The following CNTNAP5 variants were observed in gnomAD, a reference collection of about 807,000 sequenced individuals.
CNTNAP5 encodes the protein contactin-associated protein-like 5.
In CNTNAP5, 72 loss-of-function variants were observed where a neutral mutation model predicts 150.2. The ratio of observed to expected loss-of-function variants is 0.48; its 90% CI spans 0.40 to 0.58. CNTNAP5 has a LOEUF of 0.58. CNTNAP5 is among the 20% of genes least tolerant of loss of function. CNTNAP5 has a pLI of 0.00. For missense variants in CNTNAP5, 1,636 were observed against 1,626.2 expected, an observed-to-expected ratio of 1.01 and a Z score of -0.10; for synonymous variants, 672 against 619.8, an observed-to-expected ratio of 1.08 and a Z score of -1.25.
intron 11 of CNTNAP5, among the ~76,000 whole-genome samples, chr2:124,569,418 A>C (rs1464448756): frequency 6.7e-6 from 1 of 149,978 alleles, no homozygotes; most frequent in Admixed American, 6.6e-5. Context: ...TTGCTTCCAC[A>C]ATCTTTTTTC....
intron 6 of CNTNAP5, among the ~76,000 whole-genome samples, chr2:124,457,888 G>T (rs867000306): frequency 2.6e-5 from 4 of 151,990 alleles, no homozygotes; most frequent in African/African-American, 9.7e-5. Context: ...TGCAAGAATG[G>T]CCATAATCAA....
At chr2:124,545,106 T>C (rs569680048) in intron 10 of CNTNAP5, among the ~76,000 whole-genome samples, 11 of 152,232 alleles carry the variant, frequency 7.2e-5, no homozygotes, top group Non-Finnish European at 1.6e-4. Context: ...AGTTCCTTTC[T>C]AAATTAGAAT....
At chr2:124,504,634 AGAAT>A in intron 8 of CNTNAP5, 78 bp downstream of exon 8, 1 of 1,430,702 alleles carries the variant, frequency 7.0e-7, no homozygotes, top group Non-Finnish European at 9.6e-7. Flanking sequence ...AAAAACATAC[AGAAT>A]CCAAATCTCA....
Position 124,747,285 on chromosome 2 carries a change from G to T in CNTNAP5, c.2134G>T (p.Gly712Ter). 6.2e-7 allele frequency: 1 copy of T among 1,613,780 alleles called. No individual in the cohort carries two copies. Among genetic ancestry groups the T allele is most frequent in the Non-Finnish European group, 8.5e-7 (1 of 1,179,780 alleles). The change falls in exon 14 of 24, where the codon GGA (glycine) becomes TGA (stop). Residue 712 changes from glycine to a stop codon, truncating the protein, a stop_gained. Transcript: ENST00000682447. LOFTEE classifies it high-confidence loss of function. Reference protein sequence around the residue: ...GRSNERHPYWGGSPPGVQQCE... With the variant: ...GRSNERHPYW ...GTCCAATGAAAGGCACCCTTACTGG[G>T]GAGGTTCCCCTCCTGGGGTCCAGCA...
chr2:124,649,683 A>G (rs887291798), intron 13 of CNTNAP5, among the ~76,000 whole-genome samples: 1 of 152,114 alleles, frequency 6.6e-6, no homozygotes, highest in East Asian at 1.9e-4. Context: ...TTTACCAGTT[A>G]TGTGACTTTG....
intron 4 of CNTNAP5, among the ~76,000 whole-genome samples, chr2:124,430,201 C>T (rs913652640): frequency 6.6e-6 from 1 of 152,058 alleles, no homozygotes. Context: ...AAGTGGGCAG[C>T]GCATGGGAAA....
intron 19 of CNTNAP5, among the ~76,000 whole-genome samples, chr2:124,841,793 T>A (rs1682950152): frequency 6.6e-6 from 1 of 152,100 alleles, no homozygotes; most frequent in African/African-American, 2.4e-5. Context: ...AGCCCTGCAC[T>A]GGGATCACAG....
chr2:124,703,202 C>T (rs1034717898), intron 13 of CNTNAP5, among the ~76,000 whole-genome samples: 2 of 145,642 alleles, frequency 1.4e-5, no homozygotes, highest in African/African-American at 5.0e-5. Context: ...TTCCTTCCTT[C>T]CTTCTCCCTC....
chr2:124,414,242 T>C (rs79581853), intron 3 of CNTNAP5, among the ~76,000 whole-genome samples: 3,032 of 152,220 alleles, frequency 0.02, 127 homozygotes, highest in East Asian at 0.1. Context: ...GAAGATCTTT[T>C]CTTGCTATTC....
chr2:124,632,064 G>A (rs750391841), intron 12 of CNTNAP5, among the ~76,000 whole-genome samples: 22 of 151,816 alleles, frequency 1.4e-4, no homozygotes, highest in Non-Finnish European at 2.8e-4. Context: ...AGATGCTGGC[G>A]AGGTTGCAGA....
chr2:124,198,428 G>A (rs1685642479), intron 1 of CNTNAP5, among the ~76,000 whole-genome samples: 1 of 150,990 alleles, frequency 6.6e-6, no homozygotes. Context: ...TTCCGACTTT[G>A]ATTTTAGAAT....
chr2:124,409,245 G>A lies in CNTNAP5; in HGVS notation c.382-8198G>A, dbSNP rs373131692. Among the ~76,000 whole-genome samples, 879 of 90,302 alleles carry A rather than the reference G, an allele frequency of 9.7e-3. 2 individuals are homozygous for A. Among genetic ancestry groups the A allele is most frequent in the Non-Finnish European group, 0.014 (597 of 42,810 alleles). The allele number at this position is 90,302 out of a possible 152,430, so 59.2% of individuals were successfully genotyped here. A position where few individuals can be genotyped will look rare whatever the true frequency, so the allele number is the denominator to read the frequency against. ...GACTATGTGAAAAGACCAAATCTAC[G>A]TCTGATTGGTGTACCTGAAAGTGAT... is the stretch of plus-strand genomic sequence containing the variant. On this transcript the variant is annotated intron_variant, in intron 3 of 23. Coordinates refer to ENST00000682447, the MANE Select transcript of CNTNAP5 (RefSeq NM_001367498.1).
intron 6 of CNTNAP5, among the ~76,000 whole-genome samples, chr2:124,449,674 C>G (rs571102013): frequency 2.1e-4 from 32 of 152,256 alleles, no homozygotes; most frequent in African/African-American, 7.2e-4. Context: ...AATGTGCTCC[C>G]TAGGAAAGAG....
chr2:124,372,679 G>T (rs912570188), intron 3 of CNTNAP5, among the ~76,000 whole-genome samples: 1 of 151,990 alleles, frequency 6.6e-6, no homozygotes, highest in African/African-American at 2.4e-5. Flanking sequence ...CAATCAATCA[G>T]CCCTTAAGCT....
At chr2:124,883,367 G>A (rs1678008864) in intron 21 of CNTNAP5, among the ~76,000 whole-genome samples, 2 of 151,904 alleles carry the variant, frequency 1.3e-5, no homozygotes, top group African/African-American at 4.8e-5. Context: ...CAGCCTGTAT[G>A]TGCCAATTCT....
At position 124,247,684 on chromosome 2, in the gene CNTNAP5, A is replaced by C. The variant is rs72962848; in HGVS notation, c.381+5291A>C. ...TCTTAAAGGAAGATGTATTAAGGAC[A>C]CAAAAAAATAATAAATTAGATATAA... On this transcript the variant is annotated intron_variant, in intron 3 of 23. Coordinates refer to ENST00000682447, the MANE Select transcript of CNTNAP5 (RefSeq NM_001367498.1). Among the ~76,000 whole-genome samples the C allele has an allele frequency of 1.5e-3, 224 of 152,310 alleles. 1 individual carries two copies. The highest frequency in any genetic ancestry group is 5.0e-3 in the African/African-American group (209 of 41,582).
intron 11 of CNTNAP5, among the ~76,000 whole-genome samples, chr2:124,567,080 T>G (rs2104934766): frequency 6.6e-6 from 1 of 152,332 alleles, no homozygotes; most frequent in Middle Eastern, 3.4e-3. Flanking sequence ...TGTCAAGCTC[T>G]TCGAAAACAG....
intron 3 of CNTNAP5, among the ~76,000 whole-genome samples, chr2:124,305,296 A>G (rs147454572): frequency 7.9e-5 from 12 of 151,912 alleles, no homozygotes; most frequent in African/African-American, 2.9e-4. Flanking sequence ...AAAAAAGGTG[A>G]CACTGCAAAT....
chr2:124,290,764 T>C (rs1189515559), intron 3 of CNTNAP5, among the ~76,000 whole-genome samples: 2 of 152,190 alleles, frequency 1.3e-5, no homozygotes, highest in Non-Finnish European at 2.9e-5. Flanking sequence ...GAGTGTTTCA[T>C]GGTCCTGAAC....
Sources: allele counts gnomAD v4.1 joint callset (sites outside exome capture counted in the v4.1 genomes callset), GRCh38; gene constraint gnomAD v4.1.1; transcripts MANE v1.5; gene names NCBI Gene and HGNC (gene_info 2026-07-23, HGNC 2026-07-21).